Variants in SBNO1 observed in about 807,000 individuals in gnomAD.
The protein encoded by SBNO1 is strawberry notch homolog 1.
In SBNO1, 23 loss-of-function variants were observed where a neutral mutation model predicts 173.6. The observed-to-expected ratio is 0.13, with a 90% CI of 0.10 to 0.19. SBNO1 has a LOEUF of 0.19. Among genes scored for constraint, SBNO1 ranks in the 10% least tolerant of loss-of-function variants. The pLI is 1.00. For synonymous variants in SBNO1, 632 were observed against 571.5 expected (o/e 1.11, Z -1.51); for missense variants, 1,238 against 1,671.2 (o/e 0.74, Z 4.52).
At chr12:123,300,533 C>G (rs1368625356) in intron 30 of SBNO1, among the ~76,000 whole-genome samples, 1 of 152,086 alleles carries the variant, frequency 6.6e-6, no homozygotes, top group Admixed American at 6.6e-5. Context: ...TGGCGGGTGC[C>G]TGTAGTCCCA....
In SBNO1 at chr12:123,292,886, G is replaced by T. The variant is rs2048532918; in HGVS notation, c.*3022C>A. ...TAAAGAAATGCATTAATACTCCTAT[G>T]AATTTGTATCATTGATAGTGTATCT... On this transcript the variant is annotated 3_prime_UTR_variant, in exon 32 of 32. Transcript: ENST00000602398. 6.6e-6 allele frequency: 1 copy of T among 152,178 alleles called. No homozygotes were observed. The highest frequency in any genetic ancestry group is 1.5e-5 in the Non-Finnish European group (1 of 68,042). 9.4% of individuals were successfully genotyped at this position (152,178 alleles called of 1,614,324 possible).
chr12:123,363,420 A>G (rs1455821151), intron 1 of SBNO1, among the ~76,000 whole-genome samples: 1 of 152,190 alleles, frequency 6.6e-6, no homozygotes, highest in Non-Finnish European at 1.5e-5. Flanking sequence ...TGTTAAGTCA[A>G]TTCCTGCTAG....
In SBNO1 at chr12:123,311,123, C is replaced by T. The variant is rs538748277; in HGVS notation, c.3227G>A (p.Arg1076Gln). The T allele has an allele frequency of 3.7e-6, 6 of 1,612,264 alleles. No individual in the cohort carries two copies. The South Asian group carries it at 4.4e-5, about 12-fold the overall frequency. ...DYPGEFFKDV[R>Q]QGLIGVGLIN... Reference sequence around the variant, plus strand: ...CAGGCCAACGCCTATCAGTCCTTGTCGAACATCTGTAAGAACAGGATCAAT... The same window carrying T: ...CAGGCCAACGCCTATCAGTCCTTGTTGAACATCTGTAAGAACAGGATCAAT... The change falls in exon 25 of 32, where the codon CGA (arginine) becomes CAA (glutamine). Residue 1076 changes from arginine to glutamine, a missense_variant. Arg to Gln is a conservative substitution (Grantham distance 43). Coordinates refer to ENST00000602398, the MANE Select transcript of SBNO1 (RefSeq NM_001167856.3).
chr12:123,341,084 A>G lies in SBNO1; in HGVS notation c.555T>C (p.Asp185=), dbSNP rs748621659. 4 of 1,530,012 alleles carry G rather than the reference A, an allele frequency of 2.6e-6. No individual in the cohort carries two copies. In the Admixed American group the frequency reaches 6.4e-5, roughly 25 times the overall value. The allele number at this position is 1,530,012 out of a possible 1,614,324, so 94.8% of individuals were successfully genotyped here. A position where few individuals can be genotyped will look rare whatever the true frequency, so the allele number is the denominator to read the frequency against. The part of the protein sequence containing the change: ...IAQPVATAAT[D]VSNGTVKKES... ...CTTTCTTTACTGTACCATTGCTTAC[A>G]TCAGCTGAGGAGGAAAAAGTCAAAT... The change falls in exon 5 of 32, where the codon GAT becomes GAC. Residue 185 remains aspartate (D), a synonymous_variant. Transcript: ENST00000602398.
At chr12:123,328,167 G>T in intron 10 of SBNO1, 140 bp from the exon 11 acceptor site, 1 of 586,536 alleles carries the variant, frequency 1.7e-6, no homozygotes, top group Non-Finnish European at 2.9e-6. Context: ...AGTCCTATGG[G>T]CCTTTCCCCA....
chr12:123,346,012 C>A (rs763971100), intron 3 of SBNO1, among the ~76,000 whole-genome samples: 1 of 152,148 alleles, frequency 6.6e-6, no homozygotes, highest in Non-Finnish European at 1.5e-5. Flanking sequence ...TACAAATTAC[C>A]AAGTTAAACG....
chr12:123,353,464 G>A (rs547446295), intron 1 of SBNO1, among the ~76,000 whole-genome samples: 1 of 152,198 alleles, frequency 6.6e-6, no homozygotes, highest in South Asian at 2.1e-4. Flanking sequence ...ATAAACGCCA[G>A]ATTGAGATTA....
At chr12:123,358,146 T>C (rs1031975000) in intron 1 of SBNO1, among the ~76,000 whole-genome samples, 10 of 152,364 alleles carry the variant, frequency 6.6e-5, no homozygotes, top group African/African-American at 1.4e-4. Flanking sequence ...AATACACTTA[T>C]GTTTCATATA....
At position 123,323,884 on chromosome 12, in the gene SBNO1, T is replaced by C. The variant is rs1256063134; in HGVS notation, c.1974-53A>G. 3.8e-6 allele frequency: 5 copies of C among 1,320,358 alleles called. No homozygotes were observed. The East Asian group carries it at 7.7e-5, about 20-fold the overall frequency. The allele number at this position is 1,320,358 out of a possible 1,614,324, so 81.8% of individuals were successfully genotyped here. A position where few individuals can be genotyped will look rare whatever the true frequency, so the allele number is the denominator to read the frequency against. ...TGCTTCAGTTGACAAAATAATTATA[T>C]GTAAAGTATTATTAAATATATTGAA... is the stretch of plus-strand genomic sequence containing the variant. On this transcript the variant is annotated intron_variant, in intron 15 of 31. Coordinates refer to ENST00000602398, the MANE Select transcript of SBNO1 (RefSeq NM_001167856.3).
At chr12:123,325,914 A>G (rs1448588557) in intron 14 of SBNO1, among the ~76,000 whole-genome samples, 2 of 152,192 alleles carry the variant, frequency 1.3e-5, no homozygotes, top group Non-Finnish European at 2.9e-5. Flanking sequence ...ACACATCCAT[A>G]TGTTACCAGT....
intron 24 of SBNO1, among the ~76,000 whole-genome samples, chr12:123,312,619 G>A (rs1483179835): frequency 6.6e-6 from 1 of 151,910 alleles, no homozygotes; most frequent in Non-Finnish European, 1.5e-5. Context: ...GGTTCAGGGA[G>A]GAGAACCCTT....
At chr12:123,305,564 C>T (rs2048893285) in intron 28 of SBNO1, among the ~76,000 whole-genome samples, 1 of 152,124 alleles carries the variant, frequency 6.6e-6, no homozygotes, top group South Asian at 2.1e-4. Flanking sequence ...GCTCCGCCTC[C>T]CAGGTTCAAG....
rs142370734 is a variant in SBNO1, at chr12:123,348,048, G to T, written c.218C>A (p.Pro73Gln). The change falls in exon 3 of 32, where the codon CCA (proline) becomes CAA (glutamine). Residue 73 changes from proline (P) to glutamine (Q), a missense_variant. By Grantham distance (76) the Pro-to-Gln change is moderately conservative (BLOSUM62 -1). This residue lies in a region of SBNO1 where 287 missense variants were observed against 274.1 expected (regional missense o/e 1.05). Transcript: ENST00000602398. ...VKQEPETVPT[P>Q]ALLNVRQQPP... The stretch of plus-strand genomic sequence containing the variant: ...TCTTACCCTCACATTTAATAGTGCT[G>T]GAGTAGGTACAGTCTCTGGTTCTTG... 1.2e-6 allele frequency: 2 copies of T among 1,603,378 alleles called. No individual in the cohort carries two copies. Among genetic ancestry groups the T allele is most frequent in the African/African-American group, 2.7e-5 (2 of 74,700 alleles).
Position 123,321,545 on chromosome 12 carries a change from ATCC to A in SBNO1, c.2310_2312del (p.Glu770del). On this transcript the variant is annotated inframe_deletion, in exon 17 of 32. Transcript: ENST00000602398. ...ATATACTGAACTTACCATTTTCATC[ATCC>A]TCATTAGACTCATCTAAAAATGGGT... 1.2e-6 allele frequency: 2 copies of A among 1,610,104 alleles called. No individual in the cohort carries two copies. Among genetic ancestry groups the A allele is most frequent in the Non-Finnish European group, 1.7e-6 (2 of 1,176,374 alleles).
At chr12:123,349,702 G>A (rs139727004) in intron 2 of SBNO1, among the ~76,000 whole-genome samples, 2,116 of 152,080 alleles carry the variant, frequency 0.014, 19 homozygotes, top group Middle Eastern at 0.02. Flanking sequence ...AGATCACAAG[G>A]TCAGGAGTTC....
At chr12:123,310,970 T>C (rs1868409878) in intron 25 of SBNO1, 85 bp downstream of exon 25, 3 of 1,007,912 alleles carry the variant, frequency 3.0e-6, no homozygotes, top group Non-Finnish European at 4.7e-6. Flanking sequence ...ACATGAAGCT[T>C]CCCCTTCAGC....
chr12:123,339,669 C>A (rs969586001), intron 5 of SBNO1, among the ~76,000 whole-genome samples: 2 of 152,018 alleles, frequency 1.3e-5, no homozygotes, highest in African/African-American at 4.8e-5. Context: ...CACCTGTAAT[C>A]CCACCTACTC....
chr12:123,324,323 T>A (rs1335587234), intron 15 of SBNO1, among the ~76,000 whole-genome samples: 1 of 65,600 alleles, frequency 1.5e-5, no homozygotes, highest in Non-Finnish European at 2.7e-5. Flanking sequence ...CTTGCTTTTT[T>A]CTTTTTTTTT....
chr12:123,347,505 C>A (rs185371502), intron 3 of SBNO1, among the ~76,000 whole-genome samples: 1 of 151,108 alleles, frequency 6.6e-6, no homozygotes. Flanking sequence ...GGATTACAGG[C>A]GTGAGCCACT....
Sources: allele counts gnomAD v4.1 joint callset (sites outside exome capture counted in the v4.1 genomes callset), GRCh38; gene constraint gnomAD v4.1.1; regional missense constraint gnomAD v4.1.1; transcripts MANE v1.5; gene names NCBI Gene and HGNC (gene_info 2026-07-23, HGNC 2026-07-21).